The following SLC10A7 variants were observed in gnomAD, a reference collection of about 807,000 sequenced individuals.
SLC10A7 encodes the protein sodium/bile acid cotransporter 7.
A neutral mutation model predicts 43.2 loss-of-function variants in SLC10A7; 29 were observed. The observed-to-expected ratio is 0.67, with a 90% CI of 0.50 to 0.92. The LOEUF (loss-of-function observed/expected upper bound fraction) is 0.92. Ranked by LOEUF, SLC10A7 falls within the 40% of genes least tolerant of loss-of-function variation. The pLI is 0.00. For synonymous variants in SLC10A7, 152 were observed against 144.8 expected (o/e 1.05, Z -0.35); for missense variants, 295 against 403.2 (o/e 0.73, Z 2.30).
At chr4:146,382,062 A>G (rs1310387930) in intron 5 of SLC10A7, among the ~76,000 whole-genome samples, 1 of 152,102 alleles carries the variant, frequency 6.6e-6, no homozygotes, top group Non-Finnish European at 1.5e-5. Context: ...TAAGAGAAAA[A>G]AAAAAATCTA....
At chr4:146,503,785 A>T in intron 4 of SLC10A7, 64 bp downstream of exon 4, 4 of 1,448,744 alleles carry the variant, frequency 2.8e-6, no homozygotes, top group Non-Finnish European at 3.9e-6. Flanking sequence ...CAAAAATGTG[A>T]TATATTTTTG....
intron 2 of SLC10A7, among the ~76,000 whole-genome samples, chr4:146,516,501 T>G (rs1418126392): frequency 6.7e-6 from 1 of 149,320 alleles, no homozygotes; most frequent in Non-Finnish European, 1.5e-5. Context: ...CATATACATA[T>G]ACACATACAT....
chr4:146,516,298 C>T (rs544189531), intron 2 of SLC10A7, among the ~76,000 whole-genome samples: 1 of 151,380 alleles, frequency 6.6e-6, no homozygotes, highest in East Asian at 1.9e-4. Context: ...CTCTATCACA[C>T]GTAAATGTAA....
intron 4 of SLC10A7, among the ~76,000 whole-genome samples, chr4:146,469,609 T>C (rs1281659437): frequency 6.6e-6 from 1 of 152,128 alleles, no homozygotes; most frequent in South Asian, 2.1e-4. Context: ...TAAAGGAGTA[T>C]TAGCATGTAT....
intron 4 of SLC10A7, among the ~76,000 whole-genome samples, chr4:146,499,941 G>T (rs1736246125): frequency 1.3e-5 from 2 of 152,098 alleles, no homozygotes; most frequent in Non-Finnish European, 2.9e-5. Context: ...CAAAAGTTGA[G>T]AACAAAAAGG....
intron 5 of SLC10A7, among the ~76,000 whole-genome samples, chr4:146,426,773 G>T (rs375373115): frequency 6.6e-6 from 1 of 152,144 alleles, no homozygotes; most frequent in Non-Finnish European, 1.5e-5. Flanking sequence ...TACTCGGGAG[G>T]CTGAGGCAGG....
chr4:146,329,716 T>C (rs977402430), intron 5 of SLC10A7, among the ~76,000 whole-genome samples: 1 of 152,236 alleles, frequency 6.6e-6, no homozygotes, highest in African/African-American at 2.4e-5. Flanking sequence ...TAAGCCTTCA[T>C]GTCATATGGC....
At chr4:146,437,680 C>T (rs993473469) in intron 5 of SLC10A7, among the ~76,000 whole-genome samples, 5 of 151,994 alleles carry the variant, frequency 3.3e-5, no homozygotes, top group Non-Finnish European at 7.4e-5. Flanking sequence ...AAACTAAATA[C>T]ATCCTAGACT....
At chr4:146,264,032 G>C (rs78167282) in intron 10 of SLC10A7, among the ~76,000 whole-genome samples, 3,329 of 152,264 alleles carry the variant, frequency 0.022, 111 homozygotes, top group African/African-American at 0.076. Flanking sequence ...ATCCAACAGA[G>C]TTTGACACTG....
intron 9 of SLC10A7, among the ~76,000 whole-genome samples, chr4:146,283,649 C>T (rs1729692756): frequency 6.6e-6 from 1 of 152,130 alleles, no homozygotes; most frequent in Non-Finnish European, 1.5e-5. Flanking sequence ...CAAGGAGCAA[C>T]ACATCCTTTT....
intron 5 of SLC10A7, among the ~76,000 whole-genome samples, chr4:146,379,435 A>G (rs555581302): frequency 6.6e-5 from 10 of 152,338 alleles, no homozygotes; most frequent in East Asian, 1.9e-4. Flanking sequence ...AAGACCTCCA[A>G]TAAAAAAGTT....
intron 10 of SLC10A7, among the ~76,000 whole-genome samples, chr4:146,267,201 C>A (rs1728613718): frequency 6.6e-6 from 1 of 152,122 alleles, no homozygotes; most frequent in African/African-American, 2.4e-5. Flanking sequence ...TTTTCTCTCC[C>A]TTTTAGAGGG....
rs149222278 is a variant in SLC10A7 at position 146,492,268 on chromosome 4, T to C, written c.396+11581A>G. The stretch of plus-strand genomic sequence containing the variant: ...AAGACACAGCCTGATGACTTTGTAA[T>C]GCAAGTAAACTAACAGAATCACTTC... On this transcript the variant is annotated intron_variant, in intron 4 of 11. Coordinates refer to ENST00000335472, the MANE Select transcript of SLC10A7 (RefSeq NM_001029998.6). 1.2e-3 allele frequency among the ~76,000 whole-genome samples: 188 copies of C among 152,074 alleles called. 2 individuals are homozygous for C. The highest frequency in any genetic ancestry group is 3.6e-3 in the African/African-American group (149 of 41,522).
chr4:146,295,976 G>A (rs1466974252), intron 7 of SLC10A7, among the ~76,000 whole-genome samples: 2 of 152,022 alleles, frequency 1.3e-5, no homozygotes, highest in African/African-American at 4.8e-5. Context: ...ATATGAATGA[G>A]GTGCAACTTG....
intron 4 of SLC10A7, among the ~76,000 whole-genome samples, chr4:146,470,856 T>C (rs1406297976): frequency 6.6e-6 from 1 of 152,190 alleles, no homozygotes; most frequent in African/African-American, 2.4e-5. Context: ...TCACTAGCAC[T>C]AATAACAACC....
At chr4:146,388,375 G>C (rs375893899) in intron 5 of SLC10A7, among the ~76,000 whole-genome samples, 14 of 152,206 alleles carry the variant, frequency 9.2e-5, no homozygotes, top group African/African-American at 2.6e-4. Context: ...ACCATATACA[G>C]AAAATGAAAC....
intron 5 of SLC10A7, among the ~76,000 whole-genome samples, chr4:146,362,476 T>G (rs1024329827): frequency 6.6e-6 from 1 of 152,118 alleles, no homozygotes; most frequent in East Asian, 1.9e-4. Flanking sequence ...AAAAAATATT[T>G]CAACCTGTAA....
At position 146,304,050 on chromosome 4, in the gene SLC10A7, T is replaced by G. The variant is rs1049937614; in HGVS notation, c.555+1876A>C. Among the ~76,000 whole-genome samples, 26 of 99,606 alleles carry G rather than the reference T, an allele frequency of 2.6e-4. No homozygotes were observed. The Admixed American group carries it at 3.0e-3, about 11-fold the overall frequency. 65.3% of individuals were successfully genotyped at this position (99,606 alleles called of 152,430 possible). ...AATTCTATACTCCAATACTGTGGCATCCTATGATTTCATAGAAAACAAAAA... is the reference window on the plus strand; with the variant it reads ...AATTCTATACTCCAATACTGTGGCAGCCTATGATTTCATAGAAAACAAAAA... On this transcript the variant is annotated intron_variant, in intron 7 of 11. Transcript: ENST00000335472.
intron 5 of SLC10A7, among the ~76,000 whole-genome samples, chr4:146,335,129 CA>C (rs1397442009): frequency 6.6e-6 from 1 of 151,488 alleles, no homozygotes; most frequent in Non-Finnish European, 1.5e-5. Flanking sequence ...TGGGGATCCT[CA>C]ATAGTTGAAG....
Sources: allele counts gnomAD v4.1 joint callset (sites outside exome capture counted in the v4.1 genomes callset), GRCh38; gene constraint gnomAD v4.1.1; transcripts MANE v1.5; gene names NCBI Gene and HGNC (gene_info 2026-07-23, HGNC 2026-07-21).